Variants in FAM120A observed in about 807,000 individuals in gnomAD.
FAM120A encodes constitutive coactivator of PPAR-gamma-like protein 1.
In FAM120A, 15 loss-of-function variants were observed where a neutral mutation model predicts 109.7. The observed-to-expected ratio is 0.14, with a 90% CI of 0.09 to 0.21. The LOEUF (loss-of-function observed/expected upper bound fraction) is 0.21, where lower values mean the gene tolerates loss of function less well. Ranked by LOEUF, FAM120A falls within the 10% of genes least tolerant of loss-of-function variation. The pLI, the probability that FAM120A is intolerant of heterozygous loss-of-function variation, is 1.00. For synonymous variants in FAM120A, 493 were observed against 572.8 expected (o/e 0.86, Z 1.99); for missense variants, 899 against 1,439.3 (o/e 0.62, Z 6.07).
At chr9:93,553,705 A>G (rs1341551686) in intron 12 of FAM120A, among the ~76,000 whole-genome samples, 2 of 152,188 alleles carry the variant, frequency 1.3e-5, no homozygotes, top group Non-Finnish European at 2.9e-5. Context: ...AAGGGTTCAG[A>G]TTTGGGTTCT....
intron 3 of FAM120A, among the ~76,000 whole-genome samples, chr9:93,490,001 A>C (rs73518042): frequency 6.6e-6 from 1 of 152,192 alleles, no homozygotes. Flanking sequence ...CCTGTGCTCC[A>C]CTGTGTCCTA....
intron 3 of FAM120A, among the ~76,000 whole-genome samples, chr9:93,489,755 A>G (rs956479044): frequency 2.4e-4 from 37 of 152,334 alleles, no homozygotes; most frequent in African/African-American, 7.5e-4. Flanking sequence ...AAGCATGACT[A>G]TTAGTGGTAT....
At chr9:93,511,089 T>C (rs1860297203) in intron 5 of FAM120A, among the ~76,000 whole-genome samples, 1 of 151,800 alleles carries the variant, frequency 6.6e-6, no homozygotes. Flanking sequence ...AGAAAGTTCT[T>C]GTTTCTGTTG....
At chr9:93,547,090 C>T (rs777980041) in intron 11 of FAM120A, among the ~76,000 whole-genome samples, 19 of 152,164 alleles carry the variant, frequency 1.2e-4, no homozygotes, top group South Asian at 1.2e-3. Flanking sequence ...ATAGCAGAGA[C>T]GGGGGATGGA....
intron 11 of FAM120A, 34 bp downstream of exon 11, chr9:93,543,505 C>A: frequency 6.2e-7 from 1 of 1,604,090 alleles, no homozygotes; most frequent in Non-Finnish European, 8.5e-7. Context: ...GGACCTGGGT[C>A]CCCGCCAGGT....
Position 93,497,610 on chromosome 9 carries a change from AAAC to A in FAM120A, c.933+14_933+16del, listed in dbSNP as rs554980875. Reference sequence around the variant, plus strand: ...TTCCAGCATTCACAGGTAAAAAAAAAAACAAACAAAACAAAAAAACAGATTCAT... The same window carrying A: ...TTCCAGCATTCACAGGTAAAAAAAAAAAACAAAACAAAAAAACAGATTCAT... On this transcript the variant is annotated intron_variant, in intron 4 of 17. Coordinates refer to ENST00000277165, the MANE Select transcript of FAM120A (RefSeq NM_014612.5). 2.7e-4 allele frequency: 426 copies of A among 1,590,952 alleles called. No individual in the cohort carries two copies. The highest frequency in any genetic ancestry group is 2.5e-4 in the African/African-American group (18 of 72,790).
intron 7 of FAM120A, 32 bp from the exon 8 acceptor site, chr9:93,527,123 T>C (rs1861117141): frequency 1.9e-6 from 3 of 1,588,266 alleles, no homozygotes; most frequent in East Asian, 4.5e-5. Context: ...GTGAAAGTGA[T>C]TGGACAGTAA....
intron 10 of FAM120A, among the ~76,000 whole-genome samples, chr9:93,534,107 G>A (rs946622973): frequency 4.6e-5 from 7 of 152,070 alleles, no homozygotes; most frequent in East Asian, 1.9e-4. Flanking sequence ...CAGCACGCAC[G>A]GCTGATGGTG....
intron 1 of FAM120A, among the ~76,000 whole-genome samples, chr9:93,468,006 C>T (rs753304377): frequency 7.2e-5 from 11 of 151,970 alleles, no homozygotes; most frequent in Admixed American, 1.3e-4. Flanking sequence ...CTCAGCCTCC[C>T]GGGTAGCTGG....
chr9:93,517,872 A>G (rs1255442355), intron 7 of FAM120A, among the ~76,000 whole-genome samples: 2 of 152,172 alleles, frequency 1.3e-5, no homozygotes, highest in African/African-American at 4.8e-5. Context: ...TGGAGTGAGT[A>G]GGACTGCCTG....
At chr9:93,471,016 G>C (rs1029579546) in intron 1 of FAM120A, 125 bp from the exon 2 acceptor site, 1 of 1,166,102 alleles carries the variant, frequency 8.6e-7, no homozygotes, top group East Asian at 2.4e-5. Flanking sequence ...TTTTTTGACT[G>C]TTTGGCTTTC....
chr9:93,511,732 A>T (rs1265471579), intron 5 of FAM120A, among the ~76,000 whole-genome samples: 1 of 152,186 alleles, frequency 6.6e-6, no homozygotes, highest in East Asian at 1.9e-4. Flanking sequence ...TTAATCTTGG[A>T]CTCGACATCT....
At chr9:93,533,304 A>G (rs1861398052) in intron 10 of FAM120A, among the ~76,000 whole-genome samples, 1 of 152,178 alleles carries the variant, frequency 6.6e-6, no homozygotes, top group Non-Finnish European at 1.5e-5. Context: ...GATTTAAAAT[A>G]TTTCTGTTTG....
At chr9:93,484,898 A>G (rs1858971761) in intron 3 of FAM120A, among the ~76,000 whole-genome samples, 1 of 152,202 alleles carries the variant, frequency 6.6e-6, no homozygotes, top group African/African-American at 2.4e-5. Flanking sequence ...TAGACCTAGA[A>G]TGCTCTAGTT....
At chr9:93,541,330 T>A (rs1861692121) in intron 10 of FAM120A, among the ~76,000 whole-genome samples, 1 of 152,046 alleles carries the variant, frequency 6.6e-6, no homozygotes, top group Non-Finnish European at 1.5e-5. Context: ...GGAAGGCCTG[T>A]GCATGGTAGT....
chr9:93,555,846 A>G (rs1862266751), intron 12 of FAM120A, among the ~76,000 whole-genome samples: 1 of 152,232 alleles, frequency 6.6e-6, no homozygotes, highest in South Asian at 2.1e-4. Flanking sequence ...GCAATTAAAA[A>G]CCTTGACATA....
chr9:93,514,723 G>A (rs1860489889), intron 5 of FAM120A, among the ~76,000 whole-genome samples: 2 of 152,178 alleles, frequency 1.3e-5, no homozygotes, highest in African/African-American at 4.8e-5. Context: ...GCCCCAGTCG[G>A]TCCTTGTTAC....
At chr9:93,453,690 A>G in intron 1 of FAM120A, 1 of 931,242 alleles carries the variant, frequency 1.1e-6, no homozygotes, top group Non-Finnish European at 1.3e-6. Flanking sequence ...TGCGCCTGGC[A>G]GACACACAGC....
Position 93,527,557 on chromosome 9 carries a change from A to T in FAM120A, c.1506+315A>T, listed in dbSNP as rs139156549. Among the ~76,000 whole-genome samples the T allele has an allele frequency of 1.1e-3, 170 of 151,102 alleles. 3 individuals carry two copies. The East Asian group carries it at 0.029, about 26-fold the overall frequency. ...ACTGAAAAGGCACCGGGGATGCTAA[A>T]TTTAACTCCCCCACCCCCCTTTTTT... On this transcript the variant is annotated intron_variant, in intron 8 of 17. Coordinates refer to ENST00000277165, the MANE Select transcript of FAM120A (RefSeq NM_014612.5).
Sources: gnomAD v4.1 joint callset for allele counts (sites outside exome capture counted in the v4.1 genomes callset) on GRCh38, gnomAD v4.1.1 for gene constraint, MANE v1.5 for transcripts, NCBI Gene and HGNC (gene_info 2026-07-23, HGNC 2026-07-21) for gene names.